PRKN: variants seen among roughly 807,000 people sequenced by gnomAD.
PRKN encodes the protein parkin RBR E3 ubiquitin protein ligase.
In PRKN, 56 loss-of-function variants were observed where a neutral mutation model predicts 59.5. The observed-to-expected ratio is 0.94, with a 90% confidence interval of 0.76 to 1.18. PRKN has a LOEUF of 1.18. Among genes scored for constraint, PRKN ranks in the 50% most tolerant of loss-of-function variants. The pLI is 0.00. For synonymous variants in PRKN, 250 were observed against 222.1 expected (o/e 1.13, Z -1.12); for missense variants, 657 against 596.4 (o/e 1.10, Z -1.06).
chr6:162,008,154 A>T (rs1383473880), intron 5 of PRKN, among the ~76,000 whole-genome samples: 1 of 152,204 alleles, frequency 6.6e-6, no homozygotes, highest in Non-Finnish European at 1.5e-5. Context: ...TACTATGAAA[A>T]TTCCTGTAAA....
intron 4 of PRKN, among the ~76,000 whole-genome samples, chr6:162,189,559 T>C (rs1280767431): frequency 6.6e-6 from 1 of 151,502 alleles, no homozygotes; most frequent in Admixed American, 6.6e-5. Context: ...AATAAAAATA[T>C]CTACTATGTG....
Position 162,031,601 on chromosome 6 carries a change from T to C in PRKN, c.618+22490A>G, listed in dbSNP as rs1054532340. On this transcript the variant is annotated intron_variant, in intron 5 of 11. Transcript: ENST00000366898. Reference sequence around the variant, plus strand: ...TCCAGGCTGCTGTACAATCATGCAATCTCAGCTCACTGTAACCTCCACCTC... The same window carrying C: ...TCCAGGCTGCTGTACAATCATGCAACCTCAGCTCACTGTAACCTCCACCTC... Among the ~76,000 whole-genome samples, 8 of 150,490 alleles carry C rather than the reference T, an allele frequency of 5.3e-5. 1 individual carries two copies. The highest frequency in any genetic ancestry group is 5.3e-4 in the Admixed American group (8 of 15,064).
intron 10 of PRKN, among the ~76,000 whole-genome samples, chr6:161,364,133 C>T (rs189312538): frequency 1.8e-4 from 26 of 141,246 alleles, no homozygotes; most frequent in African/African-American, 5.8e-4. Context: ...CACGCCACTG[C>T]ACTCCAGCCT....
intron 1 of PRKN, among the ~76,000 whole-genome samples, chr6:162,701,475 A>C (rs190812330): frequency 2.2e-3 from 315 of 145,540 alleles, no homozygotes; most frequent in Non-Finnish European, 3.8e-3. Context: ...GATGCATTGC[A>C]AAAAAAAAAA....
intron 4 of PRKN, among the ~76,000 whole-genome samples, chr6:162,067,293 G>A (rs183068548): frequency 6.6e-6 from 1 of 152,102 alleles, no homozygotes; most frequent in African/African-American, 2.4e-5. Context: ...CAAATCCAAT[G>A]GTCATTATTA....
chr6:162,355,319 CTATT>C (rs1490285061), intron 2 of PRKN, among the ~76,000 whole-genome samples: 1 of 151,330 alleles, frequency 6.6e-6, no homozygotes, highest in Non-Finnish European at 1.5e-5. Context: ...CTCACATTAT[CTATT>C]TAATTAAGAG....
chr6:162,235,317 G>A (rs535999433), intron 3 of PRKN, among the ~76,000 whole-genome samples: 4 of 152,208 alleles, frequency 2.6e-5, no homozygotes, highest in South Asian at 2.1e-4. Context: ...ATCTGGAGGC[G>A]ATGTTTAATA....
At chr6:161,635,602 T>C (rs1314420955) in intron 7 of PRKN, among the ~76,000 whole-genome samples, 1 of 152,230 alleles carries the variant, frequency 6.6e-6, no homozygotes, top group African/African-American at 2.4e-5. Flanking sequence ...CGCACTACAT[T>C]GAAAGAATCC....
chr6:161,660,904 T>A (rs1332865364), intron 7 of PRKN, among the ~76,000 whole-genome samples: 4 of 151,844 alleles, frequency 2.6e-5, no homozygotes, highest in Non-Finnish European at 4.4e-5. Context: ...GCCCTCCCTA[T>A]CTCAGTAAGT....
At chr6:162,015,490 T>C (rs1782901889) in intron 5 of PRKN, among the ~76,000 whole-genome samples, 1 of 152,124 alleles carries the variant, frequency 6.6e-6, no homozygotes, top group Middle Eastern at 3.2e-3. Flanking sequence ...CCGTTCAAGG[T>C]CCAGTTTCAG....
intron 7 of PRKN, among the ~76,000 whole-genome samples, chr6:161,600,932 C>T (rs999909183): frequency 2.0e-5 from 3 of 152,108 alleles, no homozygotes; most frequent in Non-Finnish European, 2.9e-5. Flanking sequence ...AAACCAAACT[C>T]CTATTAAAAA....
chr6:161,464,036 CAG>C (rs894426290), intron 9 of PRKN, among the ~76,000 whole-genome samples: 1 of 151,738 alleles, frequency 6.6e-6, no homozygotes, highest in Non-Finnish European at 1.5e-5. Flanking sequence ...GATCTTGGCT[CAG>C]AGTTTTGCTC....
chr6:162,527,155 G>A (rs148001890), intron 1 of PRKN, among the ~76,000 whole-genome samples: 2 of 152,312 alleles, frequency 1.3e-5, no homozygotes, highest in East Asian at 3.9e-4. Context: ...CTCTCTCCCT[G>A]AGAACTTGAA....
At chr6:161,452,261 C>G (rs1222373570) in intron 9 of PRKN, among the ~76,000 whole-genome samples, 1 of 152,140 alleles carries the variant, frequency 6.6e-6, no homozygotes, top group Non-Finnish European at 1.5e-5. Flanking sequence ...TTAACACACT[C>G]TTAAGTACTT....
At chr6:162,717,108 C>T (rs1778759572) in intron 1 of PRKN, among the ~76,000 whole-genome samples, 1 of 152,106 alleles carries the variant, frequency 6.6e-6, no homozygotes, top group Admixed American at 6.5e-5. Flanking sequence ...GAAGGCAGAG[C>T]AAGATTTGAT....
chr6:161,787,259 C>A (rs904539797), intron 6 of PRKN, among the ~76,000 whole-genome samples: 2 of 152,152 alleles, frequency 1.3e-5, no homozygotes, highest in African/African-American at 4.8e-5. Flanking sequence ...ATATGTAATA[C>A]AAACAAAGAA....
intron 4 of PRKN, among the ~76,000 whole-genome samples, chr6:162,104,201 G>A (rs999882876): frequency 3.3e-5 from 5 of 152,248 alleles, no homozygotes; most frequent in Middle Eastern, 3.4e-3. Flanking sequence ...CTTCAAGGTT[G>A]GTTGGAAGGG....
chr6:162,474,972 G>T (rs948204738), intron 1 of PRKN, among the ~76,000 whole-genome samples: 1 of 152,070 alleles, frequency 6.6e-6, no homozygotes, highest in Non-Finnish European at 1.5e-5. Flanking sequence ...AAATGAAATC[G>T]ATTTTTTAAT....
At chr6:161,707,644 T>C (rs1786560735) in intron 7 of PRKN, among the ~76,000 whole-genome samples, 2 of 152,226 alleles carry the variant, frequency 1.3e-5, no homozygotes, top group South Asian at 2.1e-4. Flanking sequence ...ATTAGTGGGA[T>C]AGAGATGTTT....
Sources: gnomAD v4.1 joint callset for allele counts (sites outside exome capture counted in the v4.1 genomes callset) on GRCh38, gnomAD v4.1.1 for gene constraint, MANE v1.5 for transcripts, NCBI Gene and HGNC (gene_info 2026-07-23, HGNC 2026-07-21) for gene names.